The following KPNA1 variants were observed in gnomAD, a reference collection of about 807,000 sequenced individuals.
The protein encoded by KPNA1 is karyopherin subunit alpha 1, also known as importin subunit alpha-5.
KPNA1 carries 10 observed loss-of-function variants against 70.5 expected under a neutral mutation model. That is an observed-to-expected ratio of 0.14 (90% confidence interval 0.09 to 0.24). KPNA1 has a LOEUF of 0.24. KPNA1 is among the 10% of genes least tolerant of loss of function. KPNA1 has a pLI of 1.00. For missense variants in KPNA1, 397 were observed against 637.9 expected, an observed-to-expected ratio of 0.62 and a Z score of 4.07; for synonymous variants, 192 against 221.9, an observed-to-expected ratio of 0.87 and a Z score of 1.20.
intron 3 of KPNA1, among the ~76,000 whole-genome samples, chr3:122,466,472 T>C (rs952504863): frequency 5.3e-5 from 8 of 151,770 alleles, no homozygotes; most frequent in African/African-American, 1.7e-4. Context: ...TGTGTACACA[T>C]ATATATATAT....
intron 12 of KPNA1, chr3:122,433,283 T>C (rs920018771): frequency 1.8e-5 from 3 of 169,172 alleles, no homozygotes; most frequent in African/African-American, 7.1e-5. Flanking sequence ...GAGTGAGTTA[T>C]TAAACTTGGG....
At chr3:122,460,004 G>GCA in intron 5 of KPNA1, 5 of 985,376 alleles carry the variant, frequency 5.1e-6, no homozygotes, top group Non-Finnish European at 6.0e-6. Flanking sequence ...GTAAAGAACA[G>GCA]CACACAAGGG....
intron 1 of KPNA1, chr3:122,514,325 C>T (rs1206217121): frequency 6.5e-6 from 1 of 152,794 alleles, no homozygotes; most frequent in East Asian, 1.9e-4. Context: ...CACGCCACCC[C>T]TGCTCCTTCC....
At chr3:122,445,397 A>G (rs2076124034) in intron 9 of KPNA1, among the ~76,000 whole-genome samples, 1 of 152,228 alleles carries the variant, frequency 6.6e-6, no homozygotes, top group Non-Finnish European at 1.5e-5. Context: ...TTTTCAACCA[A>G]GAATGTCATA....
chr3:122,508,225 A>G (rs2076913435), intron 1 of KPNA1, among the ~76,000 whole-genome samples: 1 of 152,210 alleles, frequency 6.6e-6, no homozygotes, highest in South Asian at 2.1e-4. Context: ...AGAAGCCATA[A>G]AATAGACAAA....
rs370054725 is a variant in KPNA1 at position 122,449,614 on chromosome 3, T to C, written c.877A>G (p.Ile293Val). The stretch of plus-strand genomic sequence containing the variant: ...AGTCTCCTACATACTCCCGCATCGA[T>C]GACCGCTTGAATTTTATCATTGGGT... ...DGPNDKIQAV[I>V]DAGVCRRLVE... Residue 293 changes from isoleucine (I) to valine (V), a missense_variant, in exon 9 of 14, where the codon ATC becomes GTC. Transcript: ENST00000344337. 1.9e-5 allele frequency: 31 copies of C among 1,613,916 alleles called. No individual in the cohort carries two copies. The highest frequency in any genetic ancestry group is 2.0e-5 in the Non-Finnish European group (24 of 1,179,952).
chr3:122,424,615 C>T lies in KPNA1; in HGVS notation c.*2370G>A, dbSNP rs1560010144. The T allele has an allele frequency of 1.3e-5, 2 of 152,608 alleles. No individual in the cohort carries two copies. The highest frequency in any genetic ancestry group is 4.8e-5 in the African/African-American group (2 of 41,462). The allele number at this position is 152,608 out of a possible 1,614,324, so 9.5% of individuals were successfully genotyped here. ...TTTAATTCACTCACTGAAACATCTC[C>T]AACTACTAGCAAAAATTCCGAATGT... On this transcript the variant is annotated 3_prime_UTR_variant, in exon 14 of 14. Coordinates refer to ENST00000344337, the MANE Select transcript of KPNA1 (RefSeq NM_002264.4).
chr3:122,459,268 T>A (rs770582423), intron 5 of KPNA1, among the ~76,000 whole-genome samples: 1 of 152,222 alleles, frequency 6.6e-6, no homozygotes, highest in African/African-American at 2.4e-5. Flanking sequence ...TCCGACTTTT[T>A]TCATTTTAGA....
At chr3:122,464,255 A>G in intron 3 of KPNA1, 1 of 379,316 alleles carries the variant, frequency 2.6e-6, no homozygotes, top group South Asian at 1.3e-4. Flanking sequence ...CTCACAGTAG[A>G]AAGTGATCTT....
In KPNA1 at chr3:122,426,168, C is replaced by G. The variant is rs1159471345; in HGVS notation, c.*817G>C. The stretch of plus-strand genomic sequence containing the variant: ...TCGATTACTAAGTATTCGAAATCCT[C>G]ATACCAGCAACAGAAATGAACCACT... On this transcript the variant is annotated 3_prime_UTR_variant, in exon 14 of 14. Transcript: ENST00000344337. 1 of 152,330 alleles carries G rather than the reference C, an allele frequency of 6.6e-6. No homozygotes were observed. Among genetic ancestry groups the G allele is most frequent in the African/African-American group, 2.4e-5 (1 of 41,428 alleles). The allele number at this position is 152,330 out of a possible 1,614,324, so 9.4% of individuals were successfully genotyped here.
intron 10 of KPNA1, among the ~76,000 whole-genome samples, chr3:122,438,962 T>C (rs2076026801): frequency 6.6e-6 from 1 of 152,150 alleles, no homozygotes; most frequent in African/African-American, 2.4e-5. Flanking sequence ...TTGCAACAAA[T>C]GAGAGGGTTG....
At chr3:122,478,089 G>C (rs565670902) in intron 2 of KPNA1, among the ~76,000 whole-genome samples, 152 of 148,966 alleles carry the variant, frequency 1.0e-3, no homozygotes, top group African/African-American at 3.7e-3. Flanking sequence ...TTGAACCAGG[G>C]AGTTGGAGGT....
At chr3:122,427,777 A>T (rs1177079760) in intron 12 of KPNA1, 61 bp from the exon 13 acceptor site, 8 of 1,160,026 alleles carry the variant, frequency 6.9e-6, no homozygotes, top group Non-Finnish European at 8.3e-6. Flanking sequence ...TTATGAAATT[A>T]GTGAGCAAGT....
chr3:122,457,107 T>TA (rs1486447774), intron 5 of KPNA1, among the ~76,000 whole-genome samples: 1 of 111,512 alleles, frequency 9.0e-6, no homozygotes, highest in Non-Finnish European at 2.1e-5. Flanking sequence ...AAGTAACTGT[T>TA]AAACGTATTT....
chr3:122,499,211 G>C (rs933895637), intron 1 of KPNA1, among the ~76,000 whole-genome samples: 1 of 152,110 alleles, frequency 6.6e-6, no homozygotes, highest in Non-Finnish European at 1.5e-5. Context: ...TCCCTGGCTA[G>C]AGCCTCCAAT....
intron 2 of KPNA1, among the ~76,000 whole-genome samples, chr3:122,482,418 C>T (rs2076582242): frequency 6.6e-6 from 1 of 152,208 alleles, no homozygotes; most frequent in Non-Finnish European, 1.5e-5. Flanking sequence ...GAAAGACCCA[C>T]TACTTTTCAT....
chr3:122,489,277 C>CT (rs2076668649), intron 2 of KPNA1, among the ~76,000 whole-genome samples: 1 of 150,298 alleles, frequency 6.7e-6, no homozygotes, highest in Non-Finnish European at 1.5e-5. Flanking sequence ...TACCTTTTTA[C>CT]TTTGTTTGTT....
At chr3:122,459,321 C>A (rs1041110714) in intron 5 of KPNA1, 1 of 579,864 alleles carries the variant, frequency 1.7e-6, no homozygotes, top group Non-Finnish European at 2.2e-6. Context: ...CATAAAAGAA[C>A]TACCACCTAA....
chr3:122,476,861 C>CAAAAAAAAAAAAAAAAAAAAAAAA (rs144118691), intron 2 of KPNA1, among the ~76,000 whole-genome samples: 35 of 65,500 alleles, frequency 5.3e-4, no homozygotes, highest in Middle Eastern at 0.011. Flanking sequence ...GGAGGTTCCA[C>CAAAAAAAAAAAAAAAAAAAAAAAA]AAAAAAAAAA....
Sources: allele counts gnomAD v4.1 joint callset (sites outside exome capture counted in the v4.1 genomes callset), GRCh38; gene constraint gnomAD v4.1.1; transcripts MANE v1.5; gene names NCBI Gene and HGNC (gene_info 2026-07-23, HGNC 2026-07-21).